The following AGBL4 variants were observed in gnomAD, a reference collection of about 807,000 sequenced individuals.
AGBL4 encodes the protein cytosolic carboxypeptidase 6.
In AGBL4, 58 loss-of-function variants were observed where a neutral mutation model predicts 66.4. The ratio of observed to expected loss-of-function variants is 0.87; its 90% CI spans 0.71 to 1.09. AGBL4 has a LOEUF of 1.09. AGBL4 is among the 50% of genes least tolerant of loss of function. The probability of loss-of-function intolerance (pLI) is 0.00; values close to 1 mark genes in which losing one functional copy is unlikely to be tolerated. For synonymous variants in AGBL4, 234 were observed against 222.9 expected (o/e 1.05, Z -0.44); for missense variants, 579 against 631.0 (o/e 0.92, Z 0.88).
chr1:48,904,962 A>T (rs566895398), intron 5 of AGBL4, among the ~76,000 whole-genome samples: 1 of 152,154 alleles, frequency 6.6e-6, no homozygotes, highest in Non-Finnish European at 1.5e-5. Flanking sequence ...ACACTCTCCA[A>T]TAATAAATGT....
intron 3 of AGBL4, among the ~76,000 whole-genome samples, chr1:49,603,810 G>A (rs1266611331): frequency 1.3e-5 from 2 of 152,014 alleles, no homozygotes; most frequent in African/African-American, 2.4e-5. Context: ...GTGAGAACAT[G>A]TAGTATTTGG....
At chr1:49,672,637 G>C (rs1429525219) in intron 3 of AGBL4, among the ~76,000 whole-genome samples, 1 of 151,780 alleles carries the variant, frequency 6.6e-6, no homozygotes, top group Non-Finnish European at 1.5e-5. Flanking sequence ...AAAAGATAGA[G>C]AAGCCAGGCA....
intron 6 of AGBL4, among the ~76,000 whole-genome samples, chr1:48,850,951 C>A (rs1285216135): frequency 1.3e-5 from 2 of 152,174 alleles, no homozygotes; most frequent in South Asian, 4.2e-4. Context: ...CTTTTTATTT[C>A]TCTGAGCTTC....
intron 3 of AGBL4, among the ~76,000 whole-genome samples, chr1:49,594,145 G>A (rs1281374357): frequency 6.6e-6 from 1 of 152,044 alleles, no homozygotes; most frequent in Non-Finnish European, 1.5e-5. Context: ...TATGCTTTTA[G>A]TTGAAAAACT....
chr1:48,904,718 G>A (rs1652418018), intron 5 of AGBL4, among the ~76,000 whole-genome samples: 1 of 152,092 alleles, frequency 6.6e-6, no homozygotes, highest in Admixed American at 6.6e-5. Context: ...ATTAGCATGA[G>A]GTCAGTGCTC....
chr1:49,981,224 T>C (rs1357559303), intron 1 of AGBL4, among the ~76,000 whole-genome samples: 3 of 152,182 alleles, frequency 2.0e-5, no homozygotes, highest in Non-Finnish European at 4.4e-5. Flanking sequence ...TATAAGTGTC[T>C]TCATATTCTA....
intron 2 of AGBL4, among the ~76,000 whole-genome samples, chr1:49,773,165 C>A (rs775167536): frequency 2.6e-5 from 4 of 151,998 alleles, no homozygotes; most frequent in Admixed American, 2.6e-4. Context: ...AAATAGTAAG[C>A]TCTCATATTT....
intron 4 of AGBL4, among the ~76,000 whole-genome samples, chr1:49,212,185 A>G (rs999366303): frequency 6.6e-6 from 1 of 152,146 alleles, no homozygotes; most frequent in African/African-American, 2.4e-5. Flanking sequence ...AGCTCAGAGA[A>G]AATTACACTG....
chr1:50,021,689 T>A (rs1572072963), intron 1 of AGBL4, among the ~76,000 whole-genome samples: 1 of 152,224 alleles, frequency 6.6e-6, no homozygotes, highest in South Asian at 2.1e-4. Context: ...TCTCTCTATA[T>A]GCATTCTTGT....
At chr1:49,647,000 T>C (rs1645902518) in intron 3 of AGBL4, among the ~76,000 whole-genome samples, 1 of 151,996 alleles carries the variant, frequency 6.6e-6, no homozygotes, top group East Asian at 1.9e-4. Context: ...CAAACTTCTT[T>C]TGATATTGGC....
At chr1:48,676,224 C>T (rs1011540454) in intron 6 of AGBL4, among the ~76,000 whole-genome samples, 4 of 152,254 alleles carry the variant, frequency 2.6e-5, no homozygotes, top group African/African-American at 9.6e-5. Context: ...TTTCAGAAAC[C>T]TTCAGTCCTA....
intron 5 of AGBL4, among the ~76,000 whole-genome samples, chr1:48,927,078 G>C (rs908047366): frequency 6.6e-6 from 1 of 152,022 alleles, no homozygotes; most frequent in Non-Finnish European, 1.5e-5. Context: ...TAGAACAGTA[G>C]AAACCCCACT....
chr1:49,654,219 T>G (rs552157195), intron 3 of AGBL4, among the ~76,000 whole-genome samples: 1 of 152,156 alleles, frequency 6.6e-6, no homozygotes, highest in Non-Finnish European at 1.5e-5. Flanking sequence ...TCAATTTCCA[T>G]GTAGTTCAGC....
chr1:49,948,172 A>C (rs1219626644), intron 1 of AGBL4, among the ~76,000 whole-genome samples: 1 of 100,060 alleles, frequency 1.0e-5, no homozygotes, highest in African/African-American at 4.2e-5. Flanking sequence ...ATATATAAAT[A>C]TATATAACTA....
chr1:49,550,757 G>A (rs1652890347), intron 3 of AGBL4, among the ~76,000 whole-genome samples: 1 of 152,066 alleles, frequency 6.6e-6, no homozygotes, highest in African/African-American at 2.4e-5. Flanking sequence ...CTTAACTTTT[G>A]ATAACCTGAT....
intron 3 of AGBL4, among the ~76,000 whole-genome samples, chr1:49,520,896 T>C (rs1487503620): frequency 6.6e-6 from 1 of 151,242 alleles, no homozygotes; most frequent in Non-Finnish European, 1.5e-5. Flanking sequence ...TGCAACCTTG[T>C]CTCCTGAGTT....
chr1:49,356,351 A>G (rs552402908), intron 3 of AGBL4, among the ~76,000 whole-genome samples: 2 of 152,320 alleles, frequency 1.3e-5, no homozygotes, highest in East Asian at 1.9e-4. Flanking sequence ...ACACCTTCAC[A>G]TGCCTTCAAA....
chr1:48,629,196 T>C (rs966872311), intron 9 of AGBL4, among the ~76,000 whole-genome samples: 1 of 152,132 alleles, frequency 6.6e-6, no homozygotes, highest in African/African-American at 2.4e-5. Context: ...CATATGGGCT[T>C]AGCTTTCTAA....
intron 5 of AGBL4, among the ~76,000 whole-genome samples, chr1:48,996,497 T>C (rs781711445): frequency 2.0e-5 from 3 of 152,192 alleles, no homozygotes; most frequent in Non-Finnish European, 4.4e-5. Flanking sequence ...GAGTGTGGTA[T>C]CTTGAAAGCC....
Sources: gnomAD v4.1 joint callset for allele counts (sites outside exome capture counted in the v4.1 genomes callset) on GRCh38, gnomAD v4.1.1 for gene constraint, MANE v1.5 for transcripts, NCBI Gene and HGNC (gene_info 2026-07-23, HGNC 2026-07-21) for gene names.